The following TENM2 variants were observed in gnomAD, a reference collection of about 807,000 sequenced individuals.
TENM2 encodes the protein teneurin-2.
TENM2 carries 52 observed loss-of-function variants against 245.2 expected under a neutral mutation model. The ratio of observed to expected loss-of-function variants is 0.21; its 90% CI spans 0.17 to 0.27. TENM2 has a LOEUF of 0.27. Ranked by LOEUF, TENM2 falls within the 10% of genes least tolerant of loss-of-function variation. The pLI is 1.00. For synonymous variants in TENM2, 1,363 were observed against 1,438.9 expected (o/e 0.95, Z 1.19); for missense variants, 3,046 against 3,666.8 (o/e 0.83, Z 4.37).
intron 2 of TENM2, among the ~76,000 whole-genome samples, chr5:167,415,586 T>G (rs965245762): frequency 6.6e-6 from 1 of 152,168 alleles, no homozygotes; most frequent in African/African-American, 2.4e-5. Flanking sequence ...AACTTCTGAA[T>G]TTCCTGTGTC....
At chr5:167,121,629 C>T in the TENM2 span, among the ~76,000 whole-genome samples, 1 of 152,316 alleles carries the variant, frequency 6.6e-6, no homozygotes, top group South Asian at 2.1e-4. Flanking sequence ...TCAGTGGCCC[C>T]AGGCCGTCAA....
rs1174914528 is a variant in TENM2, at chr5:168,210,376, A to T, written c.3825-1358A>T. ...GAAGTAGGTCAGGCCTGCAGACCCA[A>T]ATCCCATCCAGTATTTTTACAAAAT... is the stretch of plus-strand genomic sequence containing the variant. On this transcript the variant is annotated intron_variant, in intron 19 of 28. Coordinates refer to ENST00000518659, the Ensembl canonical transcript of TENM2. Among the ~76,000 whole-genome samples, 7 of 152,328 alleles carry T rather than the reference A, an allele frequency of 4.6e-5. No individual in the cohort carries two copies. In the East Asian group the frequency reaches 1.2e-3, roughly 25 times the overall value.
the TENM2 span, among the ~76,000 whole-genome samples, chr5:167,062,835 A>G: frequency 6.6e-6 from 1 of 152,216 alleles, no homozygotes; most frequent in Non-Finnish European, 1.5e-5. Flanking sequence ...GGCAGAGAAA[A>G]TAGTTTAAAT....
rs896980554 is a variant in TENM2 at position 167,486,422 on chromosome 5, G to A, written c.502+110949G>A. On this transcript the variant is annotated intron_variant, in intron 2 of 28. Transcript: ENST00000518659. ...CGGCTTGCTGCAAGCTCTGCCTCCC[G>A]GGTTCACGCCATTCTCCTGCCTCAG... is the stretch of plus-strand genomic sequence containing the variant. Among the ~76,000 whole-genome samples, 17 of 150,712 alleles carry A rather than the reference G, an allele frequency of 1.1e-4. No homozygotes were observed. In the East Asian group the frequency reaches 2.2e-3, roughly 19 times the overall value.
chr5:167,458,344 G>A (rs1359680438), intron 2 of TENM2, among the ~76,000 whole-genome samples: 5 of 151,340 alleles, frequency 3.3e-5, no homozygotes, highest in Admixed American at 3.3e-4. Context: ...AAAATTAGCT[G>A]GGTGTGGTGG....
chr5:167,350,855 A>G (rs1488100683), intron 1 of TENM2, among the ~76,000 whole-genome samples: 1 of 103,342 alleles, frequency 9.7e-6, no homozygotes, highest in African/African-American at 3.3e-5. Context: ...GGATATATAT[A>G]TGGGATGTAT....
chr5:167,076,373 G>GA, the TENM2 span, among the ~76,000 whole-genome samples: 1 of 152,036 alleles, frequency 6.6e-6, no homozygotes, highest in Non-Finnish European at 1.5e-5. Context: ...AAAATCATAG[G>GA]AAAAAATCCT....
At chr5:167,077,332 T>C in the TENM2 span, among the ~76,000 whole-genome samples, 1 of 146,938 alleles carries the variant, frequency 6.8e-6, no homozygotes, top group East Asian at 1.9e-4. Context: ...ATTTTTAAAC[T>C]TTTTTTTCTT....
intron 2 of TENM2, among the ~76,000 whole-genome samples, chr5:167,499,932 G>C (rs562685646): frequency 4.1e-4 from 62 of 150,298 alleles, no homozygotes; most frequent in Non-Finnish European, 7.3e-4. Flanking sequence ...GTGTGTATGT[G>C]TATGTGAGGG....
intron 2 of TENM2, among the ~76,000 whole-genome samples, chr5:167,455,851 C>A (rs1015538755): frequency 6.6e-6 from 1 of 152,108 alleles, no homozygotes; most frequent in African/African-American, 2.4e-5. Context: ...GCACCTTGAC[C>A]TCCAACAGAC....
chr5:167,177,542 G>C, the TENM2 span, among the ~76,000 whole-genome samples: 2 of 152,182 alleles, frequency 1.3e-5, no homozygotes, highest in South Asian at 4.1e-4. Context: ...ACAATTCTTA[G>C]ATCAGGTATT....
the TENM2 span, among the ~76,000 whole-genome samples, chr5:167,160,095 T>G: frequency 6.6e-6 from 1 of 152,338 alleles, no homozygotes; most frequent in East Asian, 1.9e-4. Context: ...CAAGCTGTTT[T>G]CCAAGTTTTG....
intron 5 of TENM2, among the ~76,000 whole-genome samples, chr5:168,001,609 G>A (rs1784427829): frequency 6.6e-6 from 1 of 152,152 alleles, no homozygotes; most frequent in Non-Finnish European, 1.5e-5. Flanking sequence ...TAGCTACATG[G>A]CCTCATACAA....
chr5:167,628,244 GTC>G (rs1396551075), intron 2 of TENM2, among the ~76,000 whole-genome samples: 2 of 152,058 alleles, frequency 1.3e-5, no homozygotes, highest in African/African-American at 2.4e-5. Flanking sequence ...GGTCAGTGAC[GTC>G]TCTGTTTTGC....
At chr5:167,388,787 T>C (rs1581913327) in intron 2 of TENM2, among the ~76,000 whole-genome samples, 1 of 152,278 alleles carries the variant, frequency 6.6e-6, no homozygotes, top group East Asian at 1.9e-4. Context: ...GGTTATGTAA[T>C]TTCCATGTAC....
intron 1 of TENM2, among the ~76,000 whole-genome samples, chr5:167,367,186 T>C (rs1414269409): frequency 1.3e-5 from 2 of 152,262 alleles, no homozygotes; most frequent in African/African-American, 4.8e-5. Flanking sequence ...GCCATCTTGG[T>C]GTTTCCTTGA....
At chr5:167,792,376 TG>T in intron 2 of TENM2, among the ~76,000 whole-genome samples, 1 of 152,196 alleles carries the variant, frequency 6.6e-6, no homozygotes, top group East Asian at 1.9e-4. Context: ...CAGAGACTGG[TG>T]GCACATTTTG....
chr5:167,881,022 C>T (rs891798593), intron 3 of TENM2, among the ~76,000 whole-genome samples: 6 of 152,132 alleles, frequency 3.9e-5, no homozygotes, highest in Non-Finnish European at 5.9e-5. Flanking sequence ...TCAGGACAGC[C>T]TCCCTCACTC....
At chr5:168,126,381 A>G (rs1040079545) in intron 11 of TENM2, among the ~76,000 whole-genome samples, 4 of 152,146 alleles carry the variant, frequency 2.6e-5, no homozygotes, top group African/African-American at 9.7e-5. Context: ...CTCAATCTCT[A>G]GAAGAGTGGT....
Sources: gnomAD v4.1 joint callset for allele counts (sites outside exome capture counted in the v4.1 genomes callset) on GRCh38, gnomAD v4.1.1 for gene constraint, MANE v1.5 for transcripts, NCBI Gene and HGNC (gene_info 2026-07-23, HGNC 2026-07-21) for gene names.